GRIK4: variants seen among roughly 807,000 people sequenced by gnomAD.
GRIK4 encodes the protein glutamate receptor ionotropic, kainate 4.
GRIK4 carries 40 observed loss-of-function variants against 104.9 expected under a neutral mutation model. The observed-to-expected ratio is 0.38, with a 90% CI of 0.30 to 0.50. GRIK4 has a LOEUF of 0.50. GRIK4 is among the 20% of genes least tolerant of loss of function. The pLI is 0.93. For missense variants in GRIK4, 1,047 were observed against 1,308.1 expected (o/e 0.80, Z 3.08); for synonymous variants, 485 against 524.9 (o/e 0.92, Z 1.04).
intron 3 of GRIK4, among the ~76,000 whole-genome samples, chr11:120,799,313 G>T (rs762627436): frequency 3.3e-5 from 5 of 152,206 alleles, no homozygotes; most frequent in Non-Finnish European, 5.9e-5. Flanking sequence ...GGTGGAGGGA[G>T]GACAGGGAGA....
At chr11:120,548,107 T>G (rs1365456071) in intron 1 of GRIK4, among the ~76,000 whole-genome samples, 2 of 152,134 alleles carry the variant, frequency 1.3e-5, no homozygotes, top group African/African-American at 4.8e-5. Flanking sequence ...CGCTGGTAGG[T>G]GACTCAGCCC....
chr11:120,738,652 C>T (rs557647471), intron 3 of GRIK4, among the ~76,000 whole-genome samples: 1 of 152,334 alleles, frequency 6.6e-6, no homozygotes, highest in East Asian at 1.9e-4. Context: ...GCAGGGCAAG[C>T]AGGGCCTGAA....
intron 3 of GRIK4, among the ~76,000 whole-genome samples, chr11:120,688,950 G>C (rs1175585800): frequency 2.0e-5 from 3 of 152,040 alleles, no homozygotes; most frequent in Non-Finnish European, 4.4e-5. Flanking sequence ...CCAGGTCTTG[G>C]GAAAACAGAG....
chr11:120,662,412 C>G (rs1393380378), intron 3 of GRIK4, among the ~76,000 whole-genome samples: 1 of 152,222 alleles, frequency 6.6e-6, no homozygotes, highest in Non-Finnish European at 1.5e-5. Context: ...AAAACCCAAA[C>G]AGCAGTGCCA....
rs141183241 is a variant in GRIK4 at position 120,635,123 on chromosome 11, C to T, written c.-158-18562C>T. Among the ~76,000 whole-genome samples, 598 of 152,270 alleles carry T rather than the reference C, an allele frequency of 3.9e-3. 4 individuals carry two copies. Among genetic ancestry groups the T allele is most frequent in the Middle Eastern group, 6.8e-3 (2 of 294 alleles). On this transcript the variant is annotated intron_variant, in intron 1 of 20. Transcript: ENST00000527524. The stretch of plus-strand genomic sequence containing the variant: ...GATTCCCAGCTGAAACTTCATATTA[C>T]GGTCCCTGCAAAGGGTCGGGTTCCT...
At chr11:120,864,113 T>G (rs1265569765) in intron 9 of GRIK4, among the ~76,000 whole-genome samples, 2 of 152,218 alleles carry the variant, frequency 1.3e-5, no homozygotes, top group East Asian at 3.8e-4. Flanking sequence ...CAGTGTCATG[T>G]GCAGGATCAG....
chr11:120,754,404 G>A (rs1016841915), intron 3 of GRIK4, among the ~76,000 whole-genome samples: 2 of 152,162 alleles, frequency 1.3e-5, no homozygotes, highest in Non-Finnish European at 2.9e-5. Flanking sequence ...GCTCATCCGG[G>A]TTGTAGCGTG....
chr11:120,765,764 G>A lies in GRIK4; in HGVS notation c.83-36929G>A, dbSNP rs1029959822. On this transcript the variant is annotated intron_variant, in intron 3 of 20. Coordinates refer to ENST00000527524, the MANE Select transcript of GRIK4 (RefSeq NM_014619.5). Reference sequence around the variant, plus strand: ...GGTCCATTCAAGACCCTGTTTGCCTGGGTATCACCAGCAGAGGCTGCAGAA... The same window carrying A: ...GGTCCATTCAAGACCCTGTTTGCCTAGGTATCACCAGCAGAGGCTGCAGAA... Among the ~76,000 whole-genome samples, 3 of 152,196 alleles carry A rather than the reference G, an allele frequency of 2.0e-5. No homozygotes were observed. The East Asian group carries it at 5.8e-4, about 29-fold the overall frequency.
Position 120,905,745 on chromosome 11 carries a change from T to C in GRIK4, c.1476+252T>C, listed in dbSNP as rs1942854816. On this transcript the variant is annotated intron_variant, in intron 13 of 20. Transcript: ENST00000527524. This position sits in a 1 kb window ranked among gnomAD's most constrained non-coding sequence, Gnocchi z 5.1. Reference sequence around the variant, plus strand: ...CTGTGACAAGTCATGGAGGCTCTGATTGATTAACACAGATGAGGGAGTTTG... The same window carrying C: ...CTGTGACAAGTCATGGAGGCTCTGACTGATTAACACAGATGAGGGAGTTTG... Among the ~76,000 whole-genome samples, 1 of 152,224 alleles carries C rather than the reference T, an allele frequency of 6.6e-6. No individual in the cohort carries two copies. The highest frequency in any genetic ancestry group is 1.5e-5 in the Non-Finnish European group (1 of 68,040).
chr11:120,725,745 T>TAA (rs1555049821), intron 3 of GRIK4, among the ~76,000 whole-genome samples: 8 of 143,622 alleles, frequency 5.6e-5, no homozygotes, highest in African/African-American at 7.7e-5. Context: ...TCTATGTTTA[T>TAA]AAAAAAAAAA....
chr11:120,962,823 GTTT>G (rs11306910), intron 18 of GRIK4, 142 bp downstream of exon 18: 5,391 of 449,284 alleles, frequency 0.012, 2 homozygotes, highest in South Asian at 0.025. Flanking sequence ...GCATTCTAAA[GTTT>G]TTTTTTTTTT....
In GRIK4 at chr11:120,958,295, G is replaced by A. The variant is rs528352263; in HGVS notation, c.1874+1342G>A. On this transcript the variant is annotated intron_variant, in intron 16 of 20. Coordinates refer to ENST00000527524, the MANE Select transcript of GRIK4 (RefSeq NM_014619.5). Reference sequence around the variant, plus strand: ...TGCAGGTTGCCCTGCCCTGAGGGGAGGACTCAGCGCTGCTTTAAATGGCTG... The same window carrying A: ...TGCAGGTTGCCCTGCCCTGAGGGGAAGACTCAGCGCTGCTTTAAATGGCTG... 1.7e-3 allele frequency among the ~76,000 whole-genome samples: 266 copies of A among 152,384 alleles called. 1 individual carries two copies. The highest frequency in any genetic ancestry group is 6.0e-3 in the African/African-American group (250 of 41,592).
At chr11:120,861,265 C>T (rs143328372) in intron 8 of GRIK4, among the ~76,000 whole-genome samples, 7 of 152,090 alleles carry the variant, frequency 4.6e-5, no homozygotes, top group Admixed American at 1.3e-4. Flanking sequence ...TGCACCACCA[C>T]ATCCGGCTAG....
Position 120,660,537 on chromosome 11 carries a change from A to G in GRIK4, c.82+137A>G, listed in dbSNP as rs891697437. On this transcript the variant is annotated intron_variant, in intron 3 of 20. Coordinates refer to ENST00000527524, the MANE Select transcript of GRIK4 (RefSeq NM_014619.5). ...CCCTCCCTGAGTGTGGCTGGGGTGA[A>G]CATGCAGGTGGTGGTGGTGGAGGCA... The G allele has an allele frequency of 4.9e-5, 32 of 647,728 alleles. 1 individual carries two copies. The highest frequency in any genetic ancestry group is 1.1e-5 in the Non-Finnish European group (4 of 373,530). The allele number at this position is 647,728 out of a possible 1,614,324, so 40.1% of individuals were successfully genotyped here.
chr11:120,582,248 T>C (rs1948593786), intron 1 of GRIK4, among the ~76,000 whole-genome samples: 2 of 151,562 alleles, frequency 1.3e-5, no homozygotes, highest in Non-Finnish European at 2.9e-5. Context: ...GTTTCTTTTT[T>C]TTTTTTTAAA....
At chr11:120,886,837 A>T (rs547632019) in intron 11 of GRIK4, among the ~76,000 whole-genome samples, 1 of 152,244 alleles carries the variant, frequency 6.6e-6, no homozygotes, top group African/African-American at 2.4e-5. Flanking sequence ...TCTCCTGTTG[A>T]TGTCCTGCCT....
chr11:120,582,554 T>C (rs1243116896), intron 1 of GRIK4, among the ~76,000 whole-genome samples: 2 of 152,232 alleles, frequency 1.3e-5, no homozygotes, highest in African/African-American at 4.8e-5. Flanking sequence ...CAAAAGTAAT[T>C]GCAGTTTTTG....
chr11:120,947,090 TCAGA>T (rs995859048), intron 14 of GRIK4, among the ~76,000 whole-genome samples: 25 of 152,098 alleles, frequency 1.6e-4, no homozygotes, highest in African/African-American at 5.8e-4. Context: ...AAAAGAAAAA[TCAGA>T]CAGTGTTTAA....
chr11:120,548,533 C>T (rs1053522700), intron 1 of GRIK4, among the ~76,000 whole-genome samples: 8 of 152,110 alleles, frequency 5.3e-5, no homozygotes, highest in Non-Finnish European at 1.0e-4. Flanking sequence ...GCTACAGAGG[C>T]ACCTCGGTCC....
Sources: allele counts gnomAD v4.1 joint callset (sites outside exome capture counted in the v4.1 genomes callset), GRCh38; gene constraint gnomAD v4.1.1; non-coding constraint Gnocchi (gnomAD v3.1); transcripts MANE v1.5; gene names NCBI Gene and HGNC (gene_info 2026-07-23, HGNC 2026-07-21).